The following SUPT6H variants were observed in gnomAD, a reference collection of about 807,000 sequenced individuals.
The protein encoded by SUPT6H is transcription elongation factor SPT6.
SUPT6H carries 11 observed loss-of-function variants against 222.3 expected under a neutral mutation model. The observed-to-expected ratio is 0.05, with a 90% CI of 0.03 to 0.08. The LOEUF (loss-of-function observed/expected upper bound fraction) is 0.08, where lower values mean the gene tolerates loss of function less well. Ranked by LOEUF, SUPT6H falls within the 10% of genes least tolerant of loss-of-function variation. SUPT6H has a pLI of 1.00. For synonymous variants in SUPT6H, 762 were observed against 801.2 expected (o/e 0.95, Z 0.83); for missense variants, 1,422 against 2,216.0 (o/e 0.64, Z 7.19).
intron 31 of SUPT6H, 79 bp from the exon 32 acceptor site, chr17:28,697,827 A>G: frequency 1.2e-6 from 2 of 1,606,030 alleles, no homozygotes; most frequent in Non-Finnish European, 1.7e-6. Context: ...CGGTGAAGGA[A>G]GTGTACATCA....
Position 28,696,964 on chromosome 17 carries a change from A to C in SUPT6H, c.4091A>C (p.Glu1364Ala). The change falls in exon 30 of 37, where the codon GAG becomes GCG. Residue 1364 changes from glutamate to alanine, a missense_variant. Glu to Ala is a moderately radical substitution (Grantham distance 107, BLOSUM62 -1). This residue lies in a region of SUPT6H where 395 missense variants were observed against 580.6 expected (regional missense o/e 0.68). Transcript: ENST00000314616. ...DVIIRPSSKG[E>A]NHLTVTWKVS... The stretch of plus-strand genomic sequence containing the variant: ...ATTATCCGACCAAGCAGCAAGGGCG[A>C]GAACCACCTGACAGTGACCTGGAAA... 6.2e-7 allele frequency: 1 copy of C among 1,614,092 alleles called. No homozygotes were observed. Among genetic ancestry groups the C allele is most frequent in the African/African-American group, 1.3e-5 (1 of 75,018 alleles).
chr17:28,664,398 T>G (rs1311864638), intron 1 of SUPT6H, among the ~76,000 whole-genome samples: 2 of 152,166 alleles, frequency 1.3e-5, no homozygotes, highest in African/African-American at 4.8e-5. Flanking sequence ...CCCAGCTACT[T>G]GGGAGGCTGA....
chr17:28,666,946 A>G (rs952350100), intron 1 of SUPT6H, among the ~76,000 whole-genome samples: 51 of 152,078 alleles, frequency 3.4e-4, no homozygotes, highest in African/African-American at 1.2e-3. Flanking sequence ...GGGTTTTTTT[A>G]ATTACAAAGC....
intron 13 of SUPT6H, chr17:28,682,202 A>G (rs1454927252): frequency 6.3e-6 from 3 of 473,078 alleles, no homozygotes; most frequent in East Asian, 3.4e-5. Context: ...ATAATGGGAA[A>G]CTCATGATTG....
intron 20 of SUPT6H, 98 bp downstream of exon 20, chr17:28,686,513 T>G (rs909598174): frequency 6.5e-7 from 1 of 1,540,572 alleles, no homozygotes. Context: ...GGGCTTGTGC[T>G]TGTGCAGGGA....
chr17:28,700,090 C>T (rs980012128), intron 33 of SUPT6H, 83 bp from the exon 34 acceptor site: 2 of 1,584,752 alleles, frequency 1.3e-6, no homozygotes, highest in Admixed American at 1.7e-5. Context: ...CCTCTACCTA[C>T]TTCAGTGCCC....
chr17:28,700,591 C>A, intron 35 of SUPT6H, 79 bp downstream of exon 35: 1 of 1,526,070 alleles, frequency 6.6e-7, no homozygotes, highest in South Asian at 1.2e-5. Context: ...CAAGGGGCTT[C>A]ACATGCACAG....
intron 29 of SUPT6H, 134 bp downstream of exon 29, chr17:28,695,681 GGAGATGTCA>G: frequency 9.6e-7 from 1 of 1,041,532 alleles, no homozygotes; most frequent in Non-Finnish European, 1.4e-6. Context: ...GCTAAGGCCT[GGAGATGTCA>G]TGAAAAAGTC....
rs1266846114 is a variant in SUPT6H, at chr17:28,700,478, A to G, written c.4772A>G (p.Tyr1591Cys). ...CAGTGGGCCTCCAGCCAGTACGGCT[A>G]TGGCGGCAGTGGAGGCGGCAGCAGT... ...PAQWASSQYG[Y>C]GGSGGGSSAY... The change falls in exon 35 of 37, where the codon TAT becomes TGT. Residue 1591 changes from tyrosine (Y) to cysteine (C), a missense_variant. Physicochemically the swap from Tyr to Cys is radical, Grantham distance 194. Around this residue, in one of 13 missense-constraint regions of SUPT6H, gnomAD observed 395 missense variants for 580.6 expected, o/e 0.68. Transcript: ENST00000314616. 18 of 1,614,066 alleles carry G rather than the reference A, an allele frequency of 1.1e-5. No homozygotes were observed. Among genetic ancestry groups the G allele is most frequent in the Admixed American group, 8.3e-5 (5 of 60,010 alleles).
At chr17:28,689,600 C>A in intron 25 of SUPT6H, 39 bp downstream of exon 25, 2 of 1,602,706 alleles carry the variant, frequency 1.2e-6, no homozygotes, top group Non-Finnish European at 1.7e-6. Flanking sequence ...GAGAACCCAT[C>A]CCAAGTGGCC....
intron 13 of SUPT6H, 173 bp downstream of exon 13, chr17:28,682,153 G>C (rs2031147749): frequency 1.9e-6 from 1 of 520,930 alleles, no homozygotes; most frequent in Non-Finnish European, 3.4e-6. Context: ...ACCCATTCCC[G>C]CCCGACATGA....
intron 26 of SUPT6H, 119 bp downstream of exon 26, chr17:28,690,348 G>T: frequency 7.8e-7 from 1 of 1,289,536 alleles, no homozygotes; most frequent in Non-Finnish European, 1.1e-6. Flanking sequence ...GGAAGGCCAG[G>T]AGAGCATTTT....
rs906511335 is a variant in SUPT6H, at chr17:28,675,020, G to A, written c.396G>A (p.Glu132=). 6 of 1,614,158 alleles carry A rather than the reference G, an allele frequency of 3.7e-6. No homozygotes were observed. The highest frequency in any genetic ancestry group is 1.6e-4 in the Middle Eastern group (1 of 6,062). The change falls in exon 5 of 37, where the codon GAG becomes GAA. Residue 132 remains glutamate, a synonymous_variant. Transcript: ENST00000314616. ...TGTCAGATGACGAGGACGATGACGA[G>A]GAGGAATATGGCAAGGAGGAACATG... The part of the protein sequence containing the change: ...KKMSDDEDDD[E]EEYGKEEHEK...
At chr17:28,694,883 A>G (rs1376526799) in intron 28 of SUPT6H, 1 of 154,452 alleles carries the variant, frequency 6.5e-6, no homozygotes, top group Admixed American at 6.4e-5. Context: ...ACACGCCTGT[A>G]ATCCCAGCTG....
At chr17:28,694,088 G>C (rs1331867841) in intron 28 of SUPT6H, among the ~76,000 whole-genome samples, 1 of 152,252 alleles carries the variant, frequency 6.6e-6, no homozygotes, top group Non-Finnish European at 1.5e-5. Flanking sequence ...GGCTCTTCCT[G>C]TGTGGGAAGC....
intron 11 of SUPT6H, among the ~76,000 whole-genome samples, chr17:28,679,374 A>G (rs1038996115): frequency 6.7e-6 from 1 of 149,220 alleles, no homozygotes; most frequent in African/African-American, 2.4e-5. Flanking sequence ...CTTCGTCTCA[A>G]AAAAAAAAAA....
At chr17:28,668,430 G>A (rs1003511374) in intron 1 of SUPT6H, among the ~76,000 whole-genome samples, 3 of 152,154 alleles carry the variant, frequency 2.0e-5, no homozygotes, top group Non-Finnish European at 4.4e-5. Flanking sequence ...CAGCAAGTCA[G>A]AATTGCTTCT....
At chr17:28,666,072 A>G (rs2029992368) in intron 1 of SUPT6H, among the ~76,000 whole-genome samples, 2 of 152,212 alleles carry the variant, frequency 1.3e-5, no homozygotes, top group Non-Finnish European at 2.9e-5. Context: ...CTGCCACAGT[A>G]CACGTGTTGT....
chr17:28,700,293 C>G, intron 34 of SUPT6H, 43 bp downstream of exon 34: 2 of 1,614,176 alleles, frequency 1.2e-6, no homozygotes, highest in Non-Finnish European at 1.7e-6. Flanking sequence ...AAGGATGGAG[C>G]TAAAGGGACT....
Sources: gnomAD v4.1 joint callset for allele counts (sites outside exome capture counted in the v4.1 genomes callset) on GRCh38, gnomAD v4.1.1 for gene constraint, gnomAD v4.1.1 regional missense constraint, MANE v1.5 for transcripts, NCBI Gene and HGNC (gene_info 2026-07-23, HGNC 2026-07-21) for gene names.